GALNT2: variants seen among roughly 807,000 people sequenced by gnomAD.
The protein encoded by GALNT2 is UDP-GalNAc:polypeptide N-acetylgalactosaminyltransferase 2.
GALNT2 carries 31 observed loss-of-function variants against 81.4 expected under a neutral mutation model. That is an observed-to-expected ratio of 0.38 (90% CI 0.29 to 0.51). The LOEUF is 0.51. Ranked by LOEUF, GALNT2 falls within the 20% of genes least tolerant of loss-of-function variation. GALNT2 has a pLI of 0.87. For missense variants in GALNT2, 629 were observed against 765.7 expected, an observed-to-expected ratio of 0.82 and a Z score of 2.11; for synonymous variants, 303 against 287.4, an observed-to-expected ratio of 1.05 and a Z score of -0.55.
chr1:230,273,782 G>A (rs781771237), intron 14 of GALNT2, among the ~76,000 whole-genome samples: 35 of 152,266 alleles, frequency 2.3e-4, no homozygotes, highest in South Asian at 4.2e-4. Context: ...CCCTCATGGA[G>A]CTGTTGTATA....
rs143842900 is a variant in GALNT2 at position 230,236,353 on chromosome 1, C to T, written c.474C>T (p.Ser158=). Residue 158 remains serine (S), a splice_region_variant and synonymous_variant, in exon 5 of 16, where the codon AGC becomes AGT. Transcript: ENST00000366672. ...ACTTTATCTTCTTGTCTTTTCTTAG[C>T]GTGCTTAAGAAAAGCCCGCCCCATC... The part of the protein sequence containing the change: ...ARSALLRTVV[S]VLKKSPPHLI... 1.4e-5 allele frequency: 23 copies of T among 1,613,292 alleles called. No homozygotes were observed. The African/African-American group carries it at 2.1e-4, about 15-fold the overall frequency.
chr1:230,129,584 T>C (rs1306655398), intron 1 of GALNT2, among the ~76,000 whole-genome samples: 1 of 152,194 alleles, frequency 6.6e-6, no homozygotes, highest in Non-Finnish European at 1.5e-5. Flanking sequence ...CCTACCAAAG[T>C]CCTGGTGTTA....
chr1:230,112,112 C>T (rs1220784867), intron 1 of GALNT2, among the ~76,000 whole-genome samples: 1 of 152,186 alleles, frequency 6.6e-6, no homozygotes, highest in Non-Finnish European at 1.5e-5. Flanking sequence ...CCAGCCCAGT[C>T]CATGGTGGCC....
chr1:230,126,419 T>G (rs141587498), intron 1 of GALNT2, among the ~76,000 whole-genome samples: 313 of 152,278 alleles, frequency 2.1e-3, no homozygotes, highest in Middle Eastern at 0.01. Context: ...AAGCCTGGAT[T>G]CTTGAGACCT....
intron 1 of GALNT2, among the ~76,000 whole-genome samples, chr1:230,092,640 G>A (rs1660127172): frequency 6.6e-6 from 1 of 152,086 alleles, no homozygotes; most frequent in Non-Finnish European, 1.5e-5. Context: ...CACCGCACCT[G>A]GCCAAGGGTG....
At chr1:230,089,516 ACT>A (rs1027422069) in intron 1 of GALNT2, among the ~76,000 whole-genome samples, 1 of 151,600 alleles carries the variant, frequency 6.6e-6, no homozygotes, top group Non-Finnish European at 1.5e-5. Flanking sequence ...CGTCTTTAGA[ACT>A]CTTTTCATCT....
chr1:230,168,786 A>G (rs1662696990), intron 1 of GALNT2, among the ~76,000 whole-genome samples: 1 of 152,230 alleles, frequency 6.6e-6, no homozygotes, highest in Non-Finnish European at 1.5e-5. Flanking sequence ...CCCTGTTATT[A>G]AAATCTTACA....
In GALNT2 at chr1:230,077,771, T is replaced by C. The variant is rs1026612066; in HGVS notation, c.126+10365T>C. Among the ~76,000 whole-genome samples, 4 of 152,146 alleles carry C rather than the reference T, an allele frequency of 2.6e-5. No homozygotes were observed. The South Asian group carries it at 8.3e-4, about 32-fold the overall frequency. Reference sequence around the variant, plus strand: ...TCCTAAGGAAAAAAATCCATAAAAATACTAAGAGCCATTGGTTCTGGACTT... The same window carrying C: ...TCCTAAGGAAAAAAATCCATAAAAACACTAAGAGCCATTGGTTCTGGACTT... On this transcript the variant is annotated intron_variant, in intron 1 of 15. Transcript: ENST00000366672.
At chr1:230,063,453 G>T (rs1659096090), upstream of GALNT2, among the ~76,000 whole-genome samples, 1 of 151,886 alleles carries the variant, frequency 6.6e-6, no homozygotes, top group Non-Finnish European at 1.5e-5. Context: ...AATTCTAGTT[G>T]TTCTCATGAG....
intron 3 of GALNT2, among the ~76,000 whole-genome samples, chr1:230,221,727 G>C (rs1179077112): frequency 1.3e-5 from 2 of 152,054 alleles, no homozygotes; most frequent in East Asian, 3.9e-4. Flanking sequence ...TTTCATTACA[G>C]TAATCCTTTG....
At position 230,250,544 on chromosome 1, in the gene GALNT2, G is replaced by A. The variant is rs1471203097; in HGVS notation, c.993G>A (p.Trp331Ter). 6.2e-7 allele frequency: 1 copy of A among 1,612,474 alleles called. No individual in the cohort carries two copies. Residue 331 changes from tryptophan (W) to a stop codon, truncating the protein, a stop_gained, in exon 10 of 16, where the codon TGG (tryptophan) becomes TGA (stop). Coordinates refer to ENST00000366672, the MANE Select transcript of GALNT2 (RefSeq NM_004481.5). LOFTEE classifies it high-confidence loss of function. ...LGKYDMMMDVWGGENLEISFR... is the reference protein window; with the variant it reads ...LGKYDMMMDV ...AGTACGACATGATGATGGATGTGTG[G>A]GGAGGAGAGAACCTAGGTATGTACA...
intron 1 of GALNT2, among the ~76,000 whole-genome samples, chr1:230,085,659 G>A (rs1299866206): frequency 2.0e-5 from 3 of 152,180 alleles, no homozygotes; most frequent in African/African-American, 7.2e-5. Context: ...GAATGTAGGC[G>A]GTAATGTTTG....
chr1:230,253,270 C>T (rs114905786), intron 10 of GALNT2, among the ~76,000 whole-genome samples: 321 of 152,256 alleles, frequency 2.1e-3, no homozygotes, highest in African/African-American at 7.3e-3. Flanking sequence ...ATTAAAGCCC[C>T]GTAACAGCTG....
At position 230,275,311 on chromosome 1, in the gene GALNT2, C is replaced by T. The variant is rs183572874; in HGVS notation, c.1560+747C>T. 1.3e-4 allele frequency among the ~76,000 whole-genome samples: 20 copies of T among 150,580 alleles called. No homozygotes were observed. Among genetic ancestry groups the T allele is most frequent in the South Asian group, 6.3e-4 (3 of 4,786 alleles). On this transcript the variant is annotated intron_variant, in intron 15 of 15. Transcript: ENST00000366672. This position sits in a 1 kb window ranked among gnomAD's most constrained non-coding sequence, Gnocchi z 5.5. ...GATGCCACATTTATACATATATAAA[C>T]GCCACATATATATACACACCACATA...
chr1:230,255,822 G>C (rs943459497), intron 11 of GALNT2, among the ~76,000 whole-genome samples: 3 of 152,140 alleles, frequency 2.0e-5, no homozygotes, highest in African/African-American at 7.2e-5. Flanking sequence ...AAAGAAGAAA[G>C]TTCATTTTAT....
chr1:230,108,795 C>T (rs989206781), intron 1 of GALNT2, among the ~76,000 whole-genome samples: 4 of 152,138 alleles, frequency 2.6e-5, no homozygotes, highest in African/African-American at 9.7e-5. Context: ...GTGTGGCTGA[C>T]TGAGAGCTGT....
rs559364083 is a variant in GALNT2, at chr1:230,281,945, G to A, written c.*2487G>A. 1 of 152,476 alleles carries A rather than the reference G, an allele frequency of 6.6e-6. No homozygotes were observed. Among genetic ancestry groups the A allele is most frequent in the Admixed American group, 6.5e-5 (1 of 15,300 alleles). The allele number at this position is 152,476 out of a possible 1,614,324, so 9.4% of individuals were successfully genotyped here. A position where few individuals can be genotyped will look rare whatever the true frequency, so the allele number is the denominator to read the frequency against. ...GGTCCTTTCTTATGTCCTCATAAAA[G>A]CTCAGATGATGGTATCTGTGAGTAT... On this transcript the variant is annotated 3_prime_UTR_variant, in exon 16 of 16. Coordinates refer to ENST00000366672, the MANE Select transcript of GALNT2 (RefSeq NM_004481.5).
chr1:230,208,943 A>T (rs1279924565), intron 3 of GALNT2, among the ~76,000 whole-genome samples: 1 of 152,054 alleles, frequency 6.6e-6, no homozygotes, highest in African/African-American at 2.4e-5. Flanking sequence ...CATATTTCGT[A>T]TAGCCCAGGT....
intron 1 of GALNT2, among the ~76,000 whole-genome samples, chr1:230,139,723 T>C (rs941079840): frequency 2.6e-5 from 4 of 152,254 alleles, no homozygotes; most frequent in Admixed American, 6.5e-5. Context: ...AGCGTAATAA[T>C]TTGCCGTTGC....
Sources: allele counts gnomAD v4.1 joint callset (sites outside exome capture counted in the v4.1 genomes callset), GRCh38; gene constraint gnomAD v4.1.1; non-coding constraint Gnocchi (gnomAD v3.1); transcripts MANE v1.5; gene names NCBI Gene and HGNC (gene_info 2026-07-23, HGNC 2026-07-21).